The following GALNT18 variants were observed in gnomAD, a reference collection of about 807,000 sequenced individuals.
GALNT18 encodes polypeptide N-acetylgalactosaminyltransferase 18.
Under a neutral mutation model 69.5 loss-of-function variants are expected in GALNT18, and 44 were observed. The ratio of observed to expected loss-of-function variants is 0.63; its 90% CI spans 0.50 to 0.81. The LOEUF is 0.81. GALNT18 is among the 40% of genes least tolerant of loss of function. The pLI is 0.00. For missense variants in GALNT18, 715 were observed against 810.0 expected (o/e 0.88, Z 1.42); for synonymous variants, 364 against 318.2 (o/e 1.14, Z -1.53).
rs1359365282 is a variant in GALNT18 at position 11,270,956 on chromosome 11, C to G, written c.*188G>C. 7 of 497,588 alleles carry G rather than the reference C, an allele frequency of 1.4e-5. No individual in the cohort carries two copies. The highest frequency in any genetic ancestry group is 2.1e-5 in the Non-Finnish European group (6 of 280,452). The allele number at this position is 497,588 out of a possible 1,614,324, so 30.8% of individuals were successfully genotyped here. A position where few individuals can be genotyped will look rare whatever the true frequency, so the allele number is the denominator to read the frequency against. ...TTACAACTGCAAAATAGTTTGATAT[C>G]ATACCATCACCTACCAATCAGCATC... is the stretch of plus-strand genomic sequence containing the variant. On this transcript the variant is annotated 3_prime_UTR_variant, in exon 11 of 11. Transcript: ENST00000227756.
Position 11,605,200 on chromosome 11 carries a change from G to A in GALNT18, c.235+16159C>T, listed in dbSNP as rs1257439754. Among the ~76,000 whole-genome samples the A allele has an allele frequency of 6.6e-6, 1 of 152,178 alleles. No individual in the cohort carries two copies. Among genetic ancestry groups the A allele is most frequent in the Non-Finnish European group, 1.5e-5 (1 of 68,034 alleles). ...TGGGGAAAGTGGAGAAGGGTCTGTG[G>A]TGCCAAACTCAGACCCACACTCATG... On this transcript the variant is annotated intron_variant, in intron 1 of 10. Coordinates refer to ENST00000227756, the MANE Select transcript of GALNT18 (RefSeq NM_198516.3). This position sits in a 1 kb window ranked among gnomAD's most constrained non-coding sequence, Gnocchi z 4.7.
chr11:11,330,534 G>A (rs939670824), intron 8 of GALNT18, among the ~76,000 whole-genome samples: 6 of 152,130 alleles, frequency 3.9e-5, no homozygotes, highest in Non-Finnish European at 7.4e-5. Context: ...GAGCAGTGGT[G>A]GGCTGATGAA....
At position 11,562,632 on chromosome 11, in the gene GALNT18, G is replaced by A. The variant is rs1437942362; in HGVS notation, c.235+58727C>T. Among the ~76,000 whole-genome samples the A allele has an allele frequency of 2.0e-5, 3 of 152,072 alleles. No individual in the cohort carries two copies. The highest frequency in any genetic ancestry group is 4.4e-5 in the Non-Finnish European group (3 of 68,020). On this transcript the variant is annotated intron_variant, in intron 1 of 10. Transcript: ENST00000227756. The surrounding 1 kb of genome is among the most constrained non-coding windows in gnomAD (Gnocchi z 4.1). Reference sequence around the variant, plus strand: ...CCCCATGGCACAGCACAATTTCAAGGCCCCACATGGACGTCTGCAAATAGC... The same window carrying A: ...CCCCATGGCACAGCACAATTTCAAGACCCCACATGGACGTCTGCAAATAGC...
At chr11:11,311,258 G>A (rs1176792732) in intron 9 of GALNT18, among the ~76,000 whole-genome samples, 1 of 152,192 alleles carries the variant, frequency 6.6e-6, no homozygotes, top group Non-Finnish European at 1.5e-5. Context: ...TACACTTGGT[G>A]CAAGGGACAT....
At chr11:11,313,462 T>C (rs575747641) in intron 9 of GALNT18, among the ~76,000 whole-genome samples, 1 of 152,346 alleles carries the variant, frequency 6.6e-6, no homozygotes, top group African/African-American at 2.4e-5. Flanking sequence ...GCCTGGGTAG[T>C]TGACTAATCA....
At chr11:11,533,413 A>G (rs1331740963) in intron 1 of GALNT18, among the ~76,000 whole-genome samples, 1 of 152,142 alleles carries the variant, frequency 6.6e-6, no homozygotes, top group Admixed American at 6.5e-5. Context: ...TGCCATACCT[A>G]CTGATGCTAA....
chr11:11,447,442 C>T (rs1855682278), intron 2 of GALNT18, among the ~76,000 whole-genome samples: 1 of 152,224 alleles, frequency 6.6e-6, no homozygotes, highest in Admixed American at 6.5e-5. Flanking sequence ...TCTCTGCCTC[C>T]ACCCAACTAG....
chr11:11,305,586 GC>G (rs1341191509), intron 9 of GALNT18, among the ~76,000 whole-genome samples: 1 of 152,152 alleles, frequency 6.6e-6, no homozygotes, highest in East Asian at 1.9e-4. Context: ...CTACCCACGA[GC>G]TATGTGACTA....
chr11:11,449,307 C>T (rs889501090), intron 1 of GALNT18, among the ~76,000 whole-genome samples: 10 of 152,202 alleles, frequency 6.6e-5, no homozygotes, highest in Non-Finnish European at 1.5e-4. Flanking sequence ...CTGTCCCTAG[C>T]CTGTACCCCC....
intron 2 of GALNT18, among the ~76,000 whole-genome samples, chr11:11,434,750 G>A (rs1855359846): frequency 6.6e-6 from 1 of 151,930 alleles, no homozygotes; most frequent in South Asian, 2.1e-4. Flanking sequence ...GGGAGGTGAG[G>A]GGAGGAACTT....
rs570045690 is a variant in GALNT18, at chr11:11,546,895, T to A, written c.235+74464A>T. Among the ~76,000 whole-genome samples, 2 of 151,760 alleles carry A rather than the reference T, an allele frequency of 1.3e-5. No homozygotes were observed. The highest frequency in any genetic ancestry group is 1.3e-4 in the Admixed American group (2 of 15,250). ...TGGGTGGGAGATGTGTATGGATGAA[T>A]GGATAGATGGGTAGGTGGATGGATA... On this transcript the variant is annotated intron_variant, in intron 1 of 10. Coordinates refer to ENST00000227756, the MANE Select transcript of GALNT18 (RefSeq NM_198516.3). The surrounding 1 kb of genome is among the most constrained non-coding windows in gnomAD (Gnocchi z 5.8).
chr11:11,449,326 C>T (rs771168560), intron 1 of GALNT18, among the ~76,000 whole-genome samples: 14 of 152,202 alleles, frequency 9.2e-5, no homozygotes, highest in Non-Finnish European at 1.8e-4. Context: ...CCATTTCCTG[C>T]AATTCCCAAG....
chr11:11,484,682 C>T (rs950893898), intron 1 of GALNT18, among the ~76,000 whole-genome samples: 8 of 150,322 alleles, frequency 5.3e-5, no homozygotes, highest in African/African-American at 2.0e-4. Context: ...ATGGAATGGA[C>T]ACTAGATGGA....
In GALNT18 at chr11:11,444,184, G is replaced by T. The variant is rs1055541270; in HGVS notation, c.428+4560C>A. ...GGCCCCGCCTCCCTGCCACAGAGAG[G>T]TGCCTTGCAGATGCCACCCTCCAGG... On this transcript the variant is annotated intron_variant, in intron 2 of 10. Transcript: ENST00000227756. This position sits in a 1 kb window ranked among gnomAD's most constrained non-coding sequence, Gnocchi z 4.4. Among the ~76,000 whole-genome samples, 5 of 151,558 alleles carry T rather than the reference G, an allele frequency of 3.3e-5. No individual in the cohort carries two copies. Among genetic ancestry groups the T allele is most frequent in the African/African-American group, 1.2e-4 (5 of 41,212 alleles).
Position 11,619,309 on chromosome 11 carries a change from T to C in GALNT18, c.235+2050A>G, listed in dbSNP as rs190354566. Among the ~76,000 whole-genome samples, 2 of 152,334 alleles carry C rather than the reference T, an allele frequency of 1.3e-5. No individual in the cohort carries two copies. The highest frequency in any genetic ancestry group is 6.5e-5 in the Admixed American group (1 of 15,302). The stretch of plus-strand genomic sequence containing the variant: ...TTTAGGGACCCTGTCTCCTATTTTT[T>C]TAACCTATCTTCTCCAATTTTTCAG... On this transcript the variant is annotated intron_variant, in intron 1 of 10. Transcript: ENST00000227756. This position sits in a 1 kb window ranked among gnomAD's most constrained non-coding sequence, Gnocchi z 4.9.
intron 10 of GALNT18, among the ~76,000 whole-genome samples, chr11:11,288,976 A>T (rs1849247627): frequency 6.6e-6 from 1 of 152,196 alleles, no homozygotes; most frequent in South Asian, 2.1e-4. Flanking sequence ...GAAACCAGAA[A>T]GGAGATTTGA....
At chr11:11,615,348 T>C (rs1477046568) in intron 1 of GALNT18, among the ~76,000 whole-genome samples, 1 of 152,208 alleles carries the variant, frequency 6.6e-6, no homozygotes, top group Admixed American at 6.5e-5. Flanking sequence ...CTGGTATACA[T>C]TAATATGCAC....
At chr11:11,477,162 A>G (rs549895231) in intron 1 of GALNT18, among the ~76,000 whole-genome samples, 1 of 152,236 alleles carries the variant, frequency 6.6e-6, no homozygotes, top group Non-Finnish European at 1.5e-5. Flanking sequence ...ACCTCCTCCA[A>G]TGGCAGGATG....
rs1481200768 is a variant in GALNT18, at chr11:11,318,084, TC to T, written c.1512+9001del. ...ACAGAAAACCACAACTTGCTACCCCTCTGAGTCAGGCAGGGCCATGTTACCA... is the reference window on the plus strand; with the variant it reads ...ACAGAAAACCACAACTTGCTACCCCTTGAGTCAGGCAGGGCCATGTTACCA... On this transcript the variant is annotated intron_variant, in intron 9 of 10. Transcript: ENST00000227756. This position sits in a 1 kb window ranked among gnomAD's most constrained non-coding sequence, Gnocchi z 5.1. Among the ~76,000 whole-genome samples the T allele has an allele frequency of 6.6e-6, 1 of 152,154 alleles. No individual in the cohort carries two copies. Among genetic ancestry groups the T allele is most frequent in the African/African-American group, 2.4e-5 (1 of 41,432 alleles).
Sources: allele counts gnomAD v4.1 joint callset (sites outside exome capture counted in the v4.1 genomes callset), GRCh38; gene constraint gnomAD v4.1.1; non-coding constraint Gnocchi (gnomAD v3.1); transcripts MANE v1.5; gene names NCBI Gene and HGNC (gene_info 2026-07-23, HGNC 2026-07-21).